Variants in WWP2 observed in about 807,000 individuals in gnomAD.
The protein encoded by WWP2 is WW domain containing E3 ubiquitin protein ligase 2, also known as NEDD4-like E3 ubiquitin-protein ligase WWP2.
In WWP2, 57 loss-of-function variants were observed where a neutral mutation model predicts 121.0. The observed-to-expected ratio is 0.47, with a 90% CI of 0.38 to 0.59. The LOEUF (loss-of-function observed/expected upper bound fraction) is 0.59, where lower values mean the gene tolerates loss of function less well. Ranked by LOEUF, WWP2 falls within the 20% of genes least tolerant of loss-of-function variation. The probability of loss-of-function intolerance (pLI) is 0.00; values close to 1 mark genes in which losing one functional copy is unlikely to be tolerated. For missense variants in WWP2, 962 were observed against 1,158.9 expected (o/e 0.83, Z 2.47); for synonymous variants, 449 against 441.3 (o/e 1.02, Z -0.22).
rs182901310 is a variant in WWP2 at position 69,930,727 on chromosome 16, C to T, written c.1446-425C>T. Among the ~76,000 whole-genome samples the T allele has an allele frequency of 4.6e-5, 7 of 152,182 alleles. No individual in the cohort carries two copies. The East Asian group carries it at 1.2e-3, about 25-fold the overall frequency. On this transcript the variant is annotated intron_variant, in intron 13 of 23. Coordinates refer to ENST00000359154, the MANE Select transcript of WWP2 (RefSeq NM_001270454.2). The stretch of plus-strand genomic sequence containing the variant: ...AAAATAATAATACATTTAAAATTAG[C>T]TCGGTGTGGTAGCACACTCCTGTAG...
At chr16:69,825,894 G>T (rs902777384) in intron 4 of WWP2, among the ~76,000 whole-genome samples, 3 of 152,054 alleles carry the variant, frequency 2.0e-5, no homozygotes, top group Non-Finnish European at 4.4e-5. Context: ...CAAGTGTTGG[G>T]ATTACAGACG....
At chr16:69,881,874 G>C (rs1490652002) in intron 7 of WWP2, among the ~76,000 whole-genome samples, 1 of 152,160 alleles carries the variant, frequency 6.6e-6, no homozygotes, top group South Asian at 2.1e-4. Flanking sequence ...TCTATTTTTA[G>C]TAGAGACAGA....
chr16:69,863,719 A>G (rs2151906466), intron 6 of WWP2, among the ~76,000 whole-genome samples: 2 of 152,334 alleles, frequency 1.3e-5, no homozygotes, highest in Middle Eastern at 6.8e-3. Context: ...GCCCCTTTGT[A>G]GCCAGCTCCT....
rs1006590066 is a variant in WWP2 at position 69,870,973 on chromosome 16, T to A, written c.576-831T>A. 2.6e-5 allele frequency among the ~76,000 whole-genome samples: 4 copies of A among 152,172 alleles called. No individual in the cohort carries two copies. The South Asian group carries it at 8.3e-4, about 32-fold the overall frequency. On this transcript the variant is annotated intron_variant, in intron 6 of 23. Coordinates refer to ENST00000359154, the MANE Select transcript of WWP2 (RefSeq NM_001270454.2). Reference sequence around the variant, plus strand: ...CTTCTCATTTACTTGGATGGATTGTTGAGTCATCTTTTCTAGATAAAACAT... The same window carrying A: ...CTTCTCATTTACTTGGATGGATTGTAGAGTCATCTTTTCTAGATAAAACAT...
chr16:69,828,428 G>A (rs781168121), intron 4 of WWP2, among the ~76,000 whole-genome samples: 10 of 152,182 alleles, frequency 6.6e-5, no homozygotes, highest in Non-Finnish European at 1.0e-4. Context: ...GTACAACAGC[G>A]CGATCTCAGC....
rs540878068 is a variant in WWP2, at chr16:69,805,706, G to A, written c.340+6411G>A. Among the ~76,000 whole-genome samples, 5 of 151,636 alleles carry A rather than the reference G, an allele frequency of 3.3e-5. No homozygotes were observed. The South Asian group carries it at 6.3e-4, about 19-fold the overall frequency. On this transcript the variant is annotated intron_variant, in intron 4 of 23. Coordinates refer to ENST00000359154, the MANE Select transcript of WWP2 (RefSeq NM_001270454.2). ...ACTCACTGTGGCCTCTACCTCCCAG[G>A]CTCAAGCAATCCTCCCATCTCAGTC...
intron 4 of WWP2, among the ~76,000 whole-genome samples, chr16:69,818,334 A>T (rs867870493): frequency 6.6e-6 from 1 of 151,848 alleles, no homozygotes; most frequent in Non-Finnish European, 1.5e-5. Flanking sequence ...CAGCCTCCCA[A>T]GTAGCTGGGA....
intron 6 of WWP2, among the ~76,000 whole-genome samples, chr16:69,857,402 A>G (rs2057337356): frequency 6.6e-6 from 1 of 151,994 alleles, no homozygotes; most frequent in African/African-American, 2.4e-5. Context: ...GTAACTTTCC[A>G]CTTTCCACTG....
At chr16:69,838,767 G>A (rs1189033459) in intron 4 of WWP2, 3 of 985,450 alleles carry the variant, frequency 3.0e-6, no homozygotes, top group Non-Finnish European at 3.6e-6. Flanking sequence ...ACTCACCAAG[G>A]CCCTCAGTGG....
intron 4 of WWP2, among the ~76,000 whole-genome samples, chr16:69,821,410 C>G (rs868377549): frequency 1.3e-5 from 2 of 152,252 alleles, no homozygotes; most frequent in East Asian, 3.9e-4. Context: ...AATCCTGCAC[C>G]CTGTGTCACT....
chr16:69,791,358 G>A (rs1347878078), intron 2 of WWP2, among the ~76,000 whole-genome samples: 1 of 151,966 alleles, frequency 6.6e-6, no homozygotes, highest in Non-Finnish European at 1.5e-5. Context: ...CTCCAAAGAA[G>A]CTGGGATTAC....
At chr16:69,906,054 T>TTTTTC (rs1024253739) in intron 8 of WWP2, among the ~76,000 whole-genome samples, 8 of 152,004 alleles carry the variant, frequency 5.3e-5, no homozygotes, top group Non-Finnish European at 1.0e-4. Flanking sequence ...TATCTGTTTC[T>TTTTTC]TTTTCTTTCC....
intron 1 of WWP2, among the ~76,000 whole-genome samples, chr16:69,784,857 C>T (rs370974522): frequency 1.3e-5 from 2 of 151,518 alleles, no homozygotes; most frequent in East Asian, 1.9e-4. Flanking sequence ...TTCTTGAAAA[C>T]GAATGAAGTG....
intron 7 of WWP2, among the ~76,000 whole-genome samples, chr16:69,875,365 C>T (rs557260485): frequency 6.6e-6 from 1 of 152,320 alleles, no homozygotes; most frequent in African/African-American, 2.4e-5. Flanking sequence ...TTGATGGCTG[C>T]TGACTGATCA....
At chr16:69,804,017 C>T (rs2151820950) in intron 4 of WWP2, among the ~76,000 whole-genome samples, 1 of 152,244 alleles carries the variant, frequency 6.6e-6, no homozygotes, top group Admixed American at 6.5e-5. Flanking sequence ...GTGTTTATTG[C>T]CCTATTAATG....
intron 6 of WWP2, among the ~76,000 whole-genome samples, chr16:69,856,505 G>A (rs1335698833): frequency 2.0e-5 from 3 of 152,118 alleles, no homozygotes; most frequent in Non-Finnish European, 4.4e-5. Context: ...GGCCAGGTGC[G>A]GTGGCTCACG....
intron 8 of WWP2, among the ~76,000 whole-genome samples, chr16:69,903,786 G>A (rs79552566): frequency 0.03 from 4,454 of 147,450 alleles, 214 homozygotes; most frequent in African/African-American, 0.1. Flanking sequence ...AAAAAAGAAA[G>A]AAAGAAAAAT....
At chr16:69,929,321 C>T (rs1253931803) in intron 11 of WWP2, 127 bp from the exon 12 acceptor site, 4 of 808,486 alleles carry the variant, frequency 4.9e-6, no homozygotes, top group Non-Finnish European at 7.9e-6. Context: ...TTGGCTGGTT[C>T]TTCTCTAACA....
At chr16:69,783,803 C>CAACAACAACAACAACAAA (rs986492631) in intron 1 of WWP2, among the ~76,000 whole-genome samples, 2 of 151,678 alleles carry the variant, frequency 1.3e-5, no homozygotes, top group African/African-American at 2.4e-5. Context: ...ACAACAACAA[C>CAACAACAACAACAACAAA]AAAATATTAG....
Sources: gnomAD v4.1 joint callset for allele counts (sites outside exome capture counted in the v4.1 genomes callset) on GRCh38, gnomAD v4.1.1 for gene constraint, MANE v1.5 for transcripts, NCBI Gene and HGNC (gene_info 2026-07-23, HGNC 2026-07-21) for gene names.